Variants in KAZN observed in about 807,000 individuals in gnomAD.
KAZN encodes the protein kazrin, periplakin interacting protein.
In KAZN, 40 loss-of-function variants were observed where a neutral mutation model predicts 87.4. The observed-to-expected ratio is 0.46, with a 90% CI of 0.36 to 0.60. The LOEUF (loss-of-function observed/expected upper bound fraction) is 0.60, where lower values mean the gene tolerates loss of function less well. KAZN is among the 20% of genes least tolerant of loss of function. The pLI is 0.00. For missense variants in KAZN, 898 were observed against 1,073.9 expected, an observed-to-expected ratio of 0.84 and a Z score of 2.29; for synonymous variants, 466 against 458.3, an observed-to-expected ratio of 1.02 and a Z score of -0.22.
At chr1:14,342,169 T>C (rs1410393886) in intron 2 of KAZN, among the ~76,000 whole-genome samples, 2 of 152,258 alleles carry the variant, frequency 1.3e-5, no homozygotes, top group Non-Finnish European at 2.9e-5. Context: ...ATCTCGTTCT[T>C]TTTTGTGACT....
At chr1:13,964,620 C>A (rs1049445420) in intron 1 of KAZN, among the ~76,000 whole-genome samples, 3 of 152,172 alleles carry the variant, frequency 2.0e-5, no homozygotes, top group African/African-American at 7.2e-5. Flanking sequence ...GGCTTGCTTT[C>A]GTGGTAGAAG....
chr1:15,040,807 A>G (rs1672813304), intron 3 of KAZN, among the ~76,000 whole-genome samples: 3 of 151,800 alleles, frequency 2.0e-5, no homozygotes, highest in South Asian at 2.1e-4. Flanking sequence ...ACAAACAAAC[A>G]AAAAACAGAA....
intron 2 of KAZN, among the ~76,000 whole-genome samples, chr1:14,337,042 G>C (rs1243218579): frequency 6.6e-6 from 1 of 152,210 alleles, no homozygotes; most frequent in Non-Finnish European, 1.5e-5. Flanking sequence ...AAGGAGGTGA[G>C]AACAGGTTCC....
intron 4 of KAZN, 152 bp downstream of exon 4, chr1:15,044,311 G>A: frequency 1.3e-6 from 1 of 781,174 alleles, no homozygotes; most frequent in Non-Finnish European, 1.9e-6. Flanking sequence ...CGCCGCGGGA[G>A]GGGGCTTTCT....
intron 1 of KAZN, among the ~76,000 whole-genome samples, chr1:14,848,801 G>T (rs1244919690): frequency 1.3e-5 from 2 of 152,218 alleles, no homozygotes; most frequent in Non-Finnish European, 2.9e-5. Flanking sequence ...GGGGACATTT[G>T]CATCCTCTTC....
rs1248135892 is a variant in KAZN, at chr1:14,184,904, T to C, written c.249+4312T>C. The stretch of plus-strand genomic sequence containing the variant: ...GTGCATTTTAATTTGATTCTTCTGT[T>C]ACTAGCACTTTCCATCCCTCCAGAT... On this transcript the variant is annotated intron_variant, in intron 2 of 16. Transcript: ENST00000636203. This position sits in a 1 kb window ranked among gnomAD's most constrained non-coding sequence, Gnocchi z 4.2. Among the ~76,000 whole-genome samples, 2 of 152,174 alleles carry C rather than the reference T, an allele frequency of 1.3e-5. No homozygotes were observed. The highest frequency in any genetic ancestry group is 4.8e-5 in the African/African-American group (2 of 41,438).
intron 1 of KAZN, among the ~76,000 whole-genome samples, chr1:14,894,250 A>G (rs1165545813): frequency 6.6e-6 from 1 of 151,900 alleles, no homozygotes; most frequent in Non-Finnish European, 1.5e-5. Context: ...GCCTGACCCG[A>G]CAGATGGCTC....
chr1:13,897,649 T>C (rs558574438), intron 1 of KAZN, among the ~76,000 whole-genome samples: 1 of 152,278 alleles, frequency 6.6e-6, no homozygotes, highest in Admixed American at 6.5e-5. Context: ...GAGCATTCCC[T>C]AGTTAACCAG....
chr1:14,862,205 C>T (rs182165098), intron 1 of KAZN, among the ~76,000 whole-genome samples: 1 of 152,314 alleles, frequency 6.6e-6, no homozygotes, highest in East Asian at 1.9e-4. Context: ...ATAATTAAAA[C>T]ACCACTTGAC....
chr1:14,086,745 G>A (rs1220129104), intron 1 of KAZN, among the ~76,000 whole-genome samples: 1 of 152,128 alleles, frequency 6.6e-6, no homozygotes, highest in Non-Finnish European at 1.5e-5. Flanking sequence ...TTTGTACATA[G>A]TATGAGGGAA....
In KAZN at chr1:14,792,993, A is replaced by G. The variant is rs1159329612; in HGVS notation, c.227-167691A>G. 2.7e-5 allele frequency among the ~76,000 whole-genome samples: 4 copies of G among 148,254 alleles called. No individual in the cohort carries two copies. In the East Asian group the frequency reaches 7.9e-4, roughly 29 times the overall value. ...CTGTCTCAAAAAAAAAAAAAAAAAC[A>G]TTCAGGACACAGTTGGCGGGACTGC... On this transcript the variant is annotated intron_variant, in intron 1 of 14. Coordinates refer to ENST00000376030, the MANE Select transcript of KAZN (RefSeq NM_201628.3).
intron 8 of KAZN, among the ~76,000 whole-genome samples, chr1:15,078,790 T>C (rs368295301): frequency 1.3e-5 from 2 of 152,202 alleles, no homozygotes; most frequent in African/African-American, 4.8e-5. Flanking sequence ...TGAGGCATGA[T>C]TGGAAAAGCC....
At chr1:14,125,343 T>A (rs1456634069) in intron 1 of KAZN, among the ~76,000 whole-genome samples, 1 of 152,178 alleles carries the variant, frequency 6.6e-6, no homozygotes, top group Non-Finnish European at 1.5e-5. Context: ...GAAAGATATG[T>A]CCATGTCCTA....
At chr1:14,676,241 T>C (rs1640211962) in intron 1 of KAZN, among the ~76,000 whole-genome samples, 1 of 152,208 alleles carries the variant, frequency 6.6e-6, no homozygotes, top group African/African-American at 2.4e-5. Flanking sequence ...TTACACTCCT[T>C]CCCCTGCCTG....
intron 2 of KAZN, among the ~76,000 whole-genome samples, chr1:14,275,181 C>T (rs1179591837): frequency 1.3e-5 from 2 of 152,156 alleles, no homozygotes; most frequent in Non-Finnish European, 2.9e-5. Context: ...CCACATCTCC[C>T]TCTCCCCACC....
intron 2 of KAZN, among the ~76,000 whole-genome samples, chr1:14,573,249 G>A (rs56370828): frequency 0.06 from 9,196 of 152,084 alleles, 330 homozygotes; most frequent in Non-Finnish European, 0.076. Flanking sequence ...AATGCATAGC[G>A]CACTCATCAA....
At chr1:14,436,730 A>ACC (rs1158352338) in intron 2 of KAZN, among the ~76,000 whole-genome samples, 2 of 150,266 alleles carry the variant, frequency 1.3e-5, no homozygotes, top group Admixed American at 1.3e-4. Context: ...AAAAAAAAAA[A>ACC]AAAAAAAACC....
rs546492854 is a variant in KAZN at position 14,707,104 on chromosome 1, A to T, written c.226+107881A>T. ...AACCTGTGTGTGTTGGCATTCGAAAACCTTTGCCTGGGTGTCACCAGGTTA... is the reference window on the plus strand; with the variant it reads ...AACCTGTGTGTGTTGGCATTCGAAATCCTTTGCCTGGGTGTCACCAGGTTA... On this transcript the variant is annotated intron_variant, in intron 1 of 14. Coordinates refer to ENST00000376030, the MANE Select transcript of KAZN (RefSeq NM_201628.3). Among the ~76,000 whole-genome samples, 31 of 152,082 alleles carry T rather than the reference A, an allele frequency of 2.0e-4. No homozygotes were observed. In the South Asian group the frequency reaches 6.0e-3, roughly 30 times the overall value.
chr1:14,657,536 C>T (rs947388696), intron 1 of KAZN, among the ~76,000 whole-genome samples: 1 of 152,206 alleles, frequency 6.6e-6, no homozygotes, highest in African/African-American at 2.4e-5. Flanking sequence ...TTAAGTACTA[C>T]CCCACTTGGG....
Sources: gnomAD v4.1 joint callset for allele counts (sites outside exome capture counted in the v4.1 genomes callset) on GRCh38, gnomAD v4.1.1 for gene constraint, Gnocchi (gnomAD v3.1) non-coding constraint, MANE v1.5 for transcripts, NCBI Gene and HGNC (gene_info 2026-07-23, HGNC 2026-07-21) for gene names.